FER: variants seen among roughly 807,000 people sequenced by gnomAD.
The protein encoded by FER is tyrosine-protein kinase Fer.
A neutral mutation model predicts 111.0 loss-of-function variants in FER; 63 were observed. The observed-to-expected ratio is 0.57, with a 90% CI of 0.46 to 0.70. The LOEUF is 0.70. Among genes scored for constraint, FER ranks in the 30% least tolerant of loss-of-function variants. The pLI, the probability that FER is intolerant of heterozygous loss-of-function variation, is 0.00. For synonymous variants in FER, 327 were observed against 313.9 expected (o/e 1.04, Z -0.44); for missense variants, 914 against 954.0 (o/e 0.96, Z 0.55).
chr5:108,885,159 T>A (rs1450458270), intron 9 of FER, among the ~76,000 whole-genome samples: 1 of 152,096 alleles, frequency 6.6e-6, no homozygotes, highest in Admixed American at 6.6e-5. Flanking sequence ...ATTTATTTTC[T>A]GAACTCCGTG....
intron 13 of FER, among the ~76,000 whole-genome samples, chr5:109,012,427 T>G (rs1766407230): frequency 1.3e-5 from 2 of 152,236 alleles, no homozygotes; most frequent in Non-Finnish European, 2.9e-5. Context: ...TATGTACGTA[T>G]TTTGAGGCTA....
intron 9 of FER, among the ~76,000 whole-genome samples, chr5:108,887,340 ATAAAT>A (rs1236008863): frequency 6.6e-6 from 1 of 151,704 alleles, no homozygotes; most frequent in African/African-American, 2.4e-5. Context: ...CAGTGAAAAA[ATAAAT>A]TATATGATAA....
chr5:109,118,375 A>G (rs1188677792), intron 17 of FER, among the ~76,000 whole-genome samples: 2 of 152,130 alleles, frequency 1.3e-5, no homozygotes, highest in African/African-American at 4.8e-5. Flanking sequence ...CATGGTGGAT[A>G]AGCTTTTTGA....
chr5:108,822,676 A>G (rs1758979120), intron 3 of FER, among the ~76,000 whole-genome samples: 1 of 151,928 alleles, frequency 6.6e-6, no homozygotes, highest in African/African-American at 2.4e-5. Context: ...CCTACCTACC[A>G]ATACCACCAC....
chr5:109,057,608 C>T (rs1433566854), intron 16 of FER, among the ~76,000 whole-genome samples: 2 of 152,142 alleles, frequency 1.3e-5, no homozygotes, highest in African/African-American at 2.4e-5. Context: ...GCCTCAGCCT[C>T]CCGGAATTTG....
intron 3 of FER, among the ~76,000 whole-genome samples, chr5:108,822,719 T>TTTTATTTTATTTTAA (rs1758993965): frequency 8.2e-6 from 1 of 122,406 alleles, no homozygotes; most frequent in Non-Finnish European, 1.7e-5. Flanking sequence ...ATTTATTTTA[T>TTTTATTTTATTTTAA]TTTATTTTAT....
chr5:109,146,253 A>AATATAT (rs6149172), intron 17 of FER, among the ~76,000 whole-genome samples: 811 of 41,882 alleles, frequency 0.019, 37 homozygotes, highest in African/African-American at 0.036. Context: ...TAATCTATCT[A>AATATAT]ATATATATAT....
intron 16 of FER, among the ~76,000 whole-genome samples, chr5:109,084,176 A>C (rs1223942318): frequency 1.3e-5 from 2 of 152,004 alleles, no homozygotes; most frequent in Admixed American, 1.3e-4. Flanking sequence ...CTTCGTCACC[A>C]GGGGTAAGCA....
chr5:109,101,201 C>T (rs1260871684), intron 17 of FER, among the ~76,000 whole-genome samples: 2 of 151,856 alleles, frequency 1.3e-5, no homozygotes, highest in East Asian at 3.9e-4. Context: ...TTGCAGAATT[C>T]ATGTCAGATC....
chr5:109,004,260 C>T (rs1269758582), intron 13 of FER, among the ~76,000 whole-genome samples: 1 of 152,148 alleles, frequency 6.6e-6, no homozygotes, highest in Non-Finnish European at 1.5e-5. Context: ...TCATCAGCCT[C>T]CACGTGGCCT....
intron 5 of FER, among the ~76,000 whole-genome samples, chr5:108,857,791 T>A (rs1333717819): frequency 6.6e-6 from 1 of 152,162 alleles, no homozygotes; most frequent in Non-Finnish European, 1.5e-5. Context: ...TATTCATGGA[T>A]TATAATTTTA....
At chr5:109,109,810 A>C (rs932196089) in intron 17 of FER, among the ~76,000 whole-genome samples, 1 of 152,156 alleles carries the variant, frequency 6.6e-6, no homozygotes, top group Non-Finnish European at 1.5e-5. Flanking sequence ...TGGTCCCCAG[A>C]GTTTCTAATA....
chr5:108,810,490 T>A (rs1403751450), intron 3 of FER, among the ~76,000 whole-genome samples: 1 of 152,114 alleles, frequency 6.6e-6, no homozygotes, highest in African/African-American at 2.4e-5. Flanking sequence ...TGAGGGAGAA[T>A]CCAATGGGTG....
At chr5:108,992,984 G>A (rs920744223) in intron 13 of FER, among the ~76,000 whole-genome samples, 11 of 150,270 alleles carry the variant, frequency 7.3e-5, no homozygotes, top group African/African-American at 1.7e-4. Context: ...ATGGGATGGC[G>A]GCCGGGAAGA....
Position 109,193,493 on chromosome 5 carries a change from C to G in FER, c.*5918C>G, listed in dbSNP as rs1200164792. The G allele has an allele frequency of 6.6e-6, 1 of 152,154 alleles. No individual in the cohort carries two copies. The highest frequency in any genetic ancestry group is 1.5e-5 in the Non-Finnish European group (1 of 68,020). The allele number at this position is 152,154 out of a possible 1,614,324, so 9.4% of individuals were successfully genotyped here. A position where few individuals can be genotyped will look rare whatever the true frequency, so the allele number is the denominator to read the frequency against. On this transcript the variant is annotated 3_prime_UTR_variant, in exon 20 of 20. Transcript: ENST00000281092. ...ATACAAATCCTGAATTTCTAACTAT[C>G]TTCTCAAATATTACTGAGGCCAGCA...
chr5:108,899,824 G>C (rs961970198), intron 10 of FER, among the ~76,000 whole-genome samples: 6 of 151,106 alleles, frequency 4.0e-5, no homozygotes, highest in African/African-American at 1.5e-4. Flanking sequence ...AAAAAATTCT[G>C]ATCATCTGGA....
At chr5:108,963,429 G>A (rs1464388111) in intron 13 of FER, among the ~76,000 whole-genome samples, 2 of 152,024 alleles carry the variant, frequency 1.3e-5, no homozygotes, top group African/African-American at 4.8e-5. Context: ...AGGTGTGGTG[G>A]CACACACCTA....
intron 16 of FER, among the ~76,000 whole-genome samples, chr5:109,048,904 A>G (rs1356118157): frequency 2.0e-5 from 3 of 151,612 alleles, no homozygotes; most frequent in Non-Finnish European, 4.4e-5. Context: ...ATACAATTCT[A>G]CTTTTTTTGG....
chr5:108,853,862 C>A (rs1201798759), intron 5 of FER, among the ~76,000 whole-genome samples: 6 of 152,170 alleles, frequency 3.9e-5, no homozygotes, highest in African/African-American at 9.7e-5. Context: ...TACATTTTAA[C>A]AGGATAATTG....
Sources: allele counts gnomAD v4.1 joint callset (sites outside exome capture counted in the v4.1 genomes callset), GRCh38; gene constraint gnomAD v4.1.1; transcripts MANE v1.5; gene names NCBI Gene and HGNC (gene_info 2026-07-23, HGNC 2026-07-21).